RYR1: variants seen among roughly 807,000 people sequenced by gnomAD.
RYR1 encodes central core disease of muscle.
Under a neutral mutation model 583.5 loss-of-function variants are expected in RYR1, and 342 were observed. That is an observed-to-expected ratio of 0.59 (90% CI 0.54 to 0.64). The LOEUF (loss-of-function observed/expected upper bound fraction) is 0.64, where lower values mean the gene tolerates loss of function less well. RYR1 is among the 30% of genes least tolerant of loss of function. The pLI, the probability that RYR1 is intolerant of heterozygous loss-of-function variation, is 0.00. For missense variants in RYR1, 6,032 were observed against 6,917.2 expected, an observed-to-expected ratio of 0.87 and a Z score of 4.54; for synonymous variants, 2,791 against 2,822.5, an observed-to-expected ratio of 0.99 and a Z score of 0.35.
rs1971608171 is a variant in RYR1 at position 38,528,936 on chromosome 19, C to T, written c.11035-15C>T. On this transcript the variant is annotated splice_polypyrimidine_tract_variant and intron_variant, in intron 75 of 105. Transcript: ENST00000359596. ...CTCTAGAAACCCTCTCCCCAAGTCT[C>T]CCCTCTCCCACCAGAAAGCTGGGGA... 1.2e-6 allele frequency: 2 copies of T among 1,604,000 alleles called. No homozygotes were observed. The highest frequency in any genetic ancestry group is 2.2e-5 in the South Asian group (2 of 89,438).
intron 88 of RYR1, among the ~76,000 whole-genome samples, chr19:38,547,799 C>T (rs1351615797): frequency 2.6e-5 from 4 of 151,728 alleles, no homozygotes; most frequent in Non-Finnish European, 5.9e-5. Flanking sequence ...CTGCAACCTC[C>T]GCCTCCCAGG....
chr19:38,540,972 T>C (rs144584228), intron 84 of RYR1, among the ~76,000 whole-genome samples: 22 of 145,188 alleles, frequency 1.5e-4, no homozygotes, highest in East Asian at 4.4e-4. Flanking sequence ...CAATCATATA[T>C]TACAGTATAA....
At chr19:38,445,455 G>A (rs1294115553) in intron 7 of RYR1, among the ~76,000 whole-genome samples, 1 of 151,832 alleles carries the variant, frequency 6.6e-6, no homozygotes, top group Admixed American at 6.6e-5. Context: ...TCCAGGCATG[G>A]CCCAATACTT....
chr19:38,511,250 C>T (rs894246018), intron 60 of RYR1, among the ~76,000 whole-genome samples: 16 of 151,966 alleles, frequency 1.1e-4, no homozygotes, highest in Admixed American at 3.9e-4. Flanking sequence ...GAGCTGGGAT[C>T]GTGCCACTGT....
chr19:38,480,378 A>C (rs1171748829), intron 31 of RYR1, among the ~76,000 whole-genome samples: 1 of 152,016 alleles, frequency 6.6e-6, no homozygotes, highest in Non-Finnish European at 1.5e-5. Context: ...TCTTGGGCTC[A>C]AGCAATCCTC....
chr19:38,507,720 A>G lies in RYR1; in HGVS notation c.8825A>G (p.Lys2942Arg), dbSNP rs760831965. The G allele has an allele frequency of 1.2e-6, 2 of 1,608,360 alleles. No homozygotes were observed. The highest frequency in any genetic ancestry group is 2.2e-5 in the South Asian group (2 of 90,942). The change falls in exon 58 of 106, where the codon AAG (lysine) becomes AGG (arginine). Residue 2942 changes from lysine to arginine, a missense_variant. Lys to Arg is a conservative substitution (Grantham distance 26). Coordinates refer to ENST00000359596, the MANE Select transcript of RYR1 (RefSeq NM_000540.3). Reference protein sequence around the residue: ...MNGYAVTRGLKDMELDSSSIE... With the variant: ...MNGYAVTRGLRDMELDSSSIE... Reference sequence around the variant, plus strand: ...TCCACATCTCCATGCAGAGGCCTTAAGGACATGGAACTGGACTCGTCTTCC... The same window carrying G: ...TCCACATCTCCATGCAGAGGCCTTAGGGACATGGAACTGGACTCGTCTTCC...
chr19:38,447,282 T>C (rs1972990693), intron 9 of RYR1, among the ~76,000 whole-genome samples: 1 of 152,134 alleles, frequency 6.6e-6, no homozygotes, highest in African/African-American at 2.4e-5. Flanking sequence ...GGCTCACGCC[T>C]GTAATGCCAG....
At chr19:38,536,942 C>T in intron 83 of RYR1, 175 bp downstream of exon 83, 1 of 669,360 alleles carries the variant, frequency 1.5e-6, no homozygotes, top group Non-Finnish European at 2.7e-6. Context: ...GAGCATGATT[C>T]AGGTCCCAGA....
chr19:38,523,425 C>A, intron 69 of RYR1, 116 bp downstream of exon 69: 3 of 1,174,158 alleles, frequency 2.6e-6, no homozygotes, highest in South Asian at 2.5e-5. Context: ...TCCCTGCAGT[C>A]CTCAGAGCAG....
intron 76 of RYR1, among the ~76,000 whole-genome samples, chr19:38,531,243 C>T (rs778444296): frequency 1.8e-4 from 27 of 151,988 alleles, no homozygotes; most frequent in Non-Finnish European, 3.4e-4. Flanking sequence ...TTGAGCATCC[C>T]ATTTTGCATC....
At chr19:38,492,762 A>C in intron 38 of RYR1, 126 bp downstream of exon 38, 1 of 1,033,796 alleles carries the variant, frequency 9.7e-7, no homozygotes, top group Non-Finnish European at 1.4e-6. Context: ...CAGGAGTGAG[A>C]GGGGAAGAGT....
chr19:38,535,046 C>A, intron 79 of RYR1, 95 bp from the exon 80 acceptor site: 1 of 1,304,220 alleles, frequency 7.7e-7, no homozygotes, highest in Non-Finnish European at 1.1e-6. Context: ...CTTAAATCCC[C>A]TTCTCTCACA....
At position 38,561,515 on chromosome 19, in the gene RYR1, C is replaced by G. The variant is rs138998721; in HGVS notation, c.12624+61C>G. 1,793 of 1,496,020 alleles carry G rather than the reference C, an allele frequency of 1.2e-3. 7 individuals are homozygous for G. In the African/African-American group the frequency reaches 0.014, roughly 11 times the overall value. 92.7% of individuals were successfully genotyped at this position (1,496,020 alleles called of 1,614,324 possible). A position where few individuals can be genotyped will look rare whatever the true frequency, so the allele number is the denominator to read the frequency against. On this transcript the variant is annotated intron_variant, in intron 90 of 105. Coordinates refer to ENST00000359596, the MANE Select transcript of RYR1 (RefSeq NM_000540.3). The surrounding 1 kb of genome is among the most constrained non-coding windows in gnomAD (Gnocchi z 4.8). ...GGGGCTTCGGGCATGCGGGTGCTCACTTCCTGCACCCTCAGACCCCACGGG... is the reference window on the plus strand; with the variant it reads ...GGGGCTTCGGGCATGCGGGTGCTCAGTTCCTGCACCCTCAGACCCCACGGG...
intron 19 of RYR1, 37 bp from the exon 20 acceptor site, chr19:38,460,338 C>A (rs1967659396): frequency 6.3e-7 from 1 of 1,579,926 alleles, no homozygotes; most frequent in African/African-American, 1.3e-5. Flanking sequence ...CCCCCATAAC[C>A]TCCCCTCAAT....
At chr19:38,518,978 C>T (rs545820551) in intron 66 of RYR1, among the ~76,000 whole-genome samples, 61 of 150,550 alleles carry the variant, frequency 4.1e-4, no homozygotes, top group Middle Eastern at 3.5e-3. Context: ...TGTTGGGGGT[C>T]AGAGGTCAGG....
intron 90 of RYR1, 122 bp from the exon 91 acceptor site, chr19:38,564,837 T>C: frequency 6.7e-7 from 1 of 1,491,840 alleles, no homozygotes; most frequent in Non-Finnish European, 9.0e-7. Context: ...AAAAACAAAA[T>C]ACCAACAATG....
At chr19:38,573,578 G>C (rs1241064551) in intron 96 of RYR1, among the ~76,000 whole-genome samples, 1 of 151,900 alleles carries the variant, frequency 6.6e-6, no homozygotes. Flanking sequence ...TACTGGGAAG[G>C]CTGAATCAGA....
intron 97 of RYR1, among the ~76,000 whole-genome samples, chr19:38,576,179 C>T (rs1052946745): frequency 6.6e-6 from 1 of 152,166 alleles, no homozygotes; most frequent in Non-Finnish European, 1.5e-5. Context: ...CAAGGCCAAG[C>T]GTGGTGGCTC....
chr19:38,458,396 A>C, intron 18 of RYR1, 104 bp downstream of exon 18: 1 of 1,225,316 alleles, frequency 8.2e-7, no homozygotes, highest in Non-Finnish European at 1.2e-6. Context: ...GACTCCCTGA[A>C]AAGGTCAACT....
Sources: gnomAD v4.1 joint callset for allele counts (sites outside exome capture counted in the v4.1 genomes callset) on GRCh38, gnomAD v4.1.1 for gene constraint, Gnocchi (gnomAD v3.1) non-coding constraint, MANE v1.5 for transcripts, NCBI Gene and HGNC (gene_info 2026-07-23, HGNC 2026-07-21) for gene names.